The following POGZ variants were observed in gnomAD, a reference collection of about 807,000 sequenced individuals.
The protein encoded by POGZ is pogo transposable element derived with ZNF domain.
In POGZ, 17 loss-of-function variants were observed where a neutral mutation model predicts 134.6. The observed-to-expected ratio is 0.13, with a 90% CI of 0.09 to 0.19. The LOEUF is 0.19. Among genes scored for constraint, POGZ ranks in the 10% least tolerant of loss-of-function variants. The pLI is 1.00. For missense variants in POGZ, 1,306 were observed against 1,769.7 expected, an observed-to-expected ratio of 0.74 and a Z score of 4.70; for synonymous variants, 693 against 657.1, an observed-to-expected ratio of 1.05 and a Z score of -0.84.
intron 1 of POGZ, among the ~76,000 whole-genome samples, chr1:151,450,023 ATTTTTTTTTTTT>A (rs1171783071): frequency 6.7e-5 from 5 of 74,306 alleles, no homozygotes; most frequent in African/African-American, 2.6e-4. Flanking sequence ...GTGAAACTTG[ATTTTTTTTTTTT>A]TTTTTTTTTT....
At chr1:151,420,988 C>CATTCAT (rs1656800678) in intron 10 of POGZ, among the ~76,000 whole-genome samples, 1 of 144,926 alleles carries the variant, frequency 6.9e-6, no homozygotes, top group Non-Finnish European at 1.5e-5. Flanking sequence ...CGTGTTTTTT[C>CATTCAT]ATATATATAT....
intron 3 of POGZ, among the ~76,000 whole-genome samples, chr1:151,440,118 T>G (rs538504918): frequency 6.6e-6 from 1 of 151,764 alleles, no homozygotes. Context: ...AATAAATATA[T>G]GTACAGAATA....
chr1:151,428,719 T>C (rs1192979435), intron 5 of POGZ, among the ~76,000 whole-genome samples: 3 of 151,680 alleles, frequency 2.0e-5, no homozygotes, highest in African/African-American at 7.3e-5. Flanking sequence ...AAGAAAAGAG[T>C]GGGAAGCAAT....
rs376546116 is a variant in POGZ, at chr1:151,408,631, G to C, written c.2062-50C>G. The C allele has an allele frequency of 8.1e-6, 13 of 1,603,780 alleles. No homozygotes were observed. In the Middle Eastern group the frequency reaches 5.0e-4, roughly 61 times the overall value. ...GAGACATCACCCACACTAAATTTCA[G>C]AATACTGAAAATCTCTATTCCTCCC... On this transcript the variant is annotated intron_variant, in intron 13 of 18. Coordinates refer to ENST00000271715, the MANE Select transcript of POGZ (RefSeq NM_015100.4).
chr1:151,412,165 T>C, intron 11 of POGZ, 131 bp downstream of exon 11: 1 of 570,400 alleles, frequency 1.8e-6, no homozygotes, highest in Non-Finnish European at 3.1e-6. Context: ...GTGTTTACTA[T>C]TTCTTCTGTA....
Position 151,424,149 on chromosome 1 carries a change from A to T in POGZ, c.1323T>A (p.Ile441=), listed in dbSNP as rs1261833269. ...PVASTPSSTP[I]PALSPPTKVP... is the part of the protein sequence containing the mutation. ...CTTTGGTAGGCGGTGACAGAGCAGGAATAGGTGTAGAAGAGGGTGTGGAAG... is the reference window on the plus strand; with the variant it reads ...CTTTGGTAGGCGGTGACAGAGCAGGTATAGGTGTAGAAGAGGGTGTGGAAG... The change falls in exon 9 of 19, where the codon ATT becomes ATA. Residue 441 remains isoleucine, a synonymous_variant. Transcript: ENST00000271715. 6.2e-7 allele frequency: 1 copy of T among 1,614,010 alleles called. No individual in the cohort carries two copies. The highest frequency in any genetic ancestry group is 1.3e-5 in the African/African-American group (1 of 74,902).
chr1:151,407,733 G>A (rs572783871), intron 15 of POGZ, among the ~76,000 whole-genome samples: 65 of 152,306 alleles, frequency 4.3e-4, no homozygotes, highest in Non-Finnish European at 4.3e-4. Context: ...CTGGGGCCGG[G>A]CGCAGTGGCT....
chr1:151,431,328 C>T (rs1232739755), intron 3 of POGZ, among the ~76,000 whole-genome samples: 1 of 152,138 alleles, frequency 6.6e-6, no homozygotes, highest in African/African-American at 2.4e-5. Context: ...ATAATCTCCC[C>T]CACCAAATCA....
Position 151,440,919 on chromosome 1 carries a change from C to T in POGZ, c.283+9G>A. 1 of 1,611,064 alleles carries T rather than the reference C, an allele frequency of 6.2e-7. No homozygotes were observed. The highest frequency in any genetic ancestry group is 8.5e-7 in the Non-Finnish European group (1 of 1,177,552). On this transcript the variant is annotated intron_variant, in intron 3 of 18. Coordinates refer to ENST00000271715, the MANE Select transcript of POGZ (RefSeq NM_015100.4). ...CCCAGGATTATTATTTCCCAATAAT[C>T]CCACTTACCATTGTTGTTGGCAATT...
chr1:151,430,869 A>AAG, intron 3 of POGZ, 28 bp from the exon 4 acceptor site: 1 of 1,463,202 alleles, frequency 6.8e-7, no homozygotes. Context: ...AAAAAAAAAA[A>AAG]GGAATGTTAG....
intron 10 of POGZ, among the ~76,000 whole-genome samples, chr1:151,413,354 A>T (rs1430194651): frequency 6.6e-6 from 1 of 151,964 alleles, no homozygotes; most frequent in African/African-American, 2.4e-5. Flanking sequence ...TCCTGGCCTC[A>T]AGCAATCCTT....
Position 151,440,956 on chromosome 1 carries a change from A to T in POGZ, c.255T>A (p.Thr85=). The T allele has an allele frequency of 6.2e-7, 1 of 1,613,636 alleles. No homozygotes were observed. The highest frequency in any genetic ancestry group is 8.5e-7 in the Non-Finnish European group (1 of 1,179,628). ...TGTTGTTGGCAATTAGTGTGACAAG[A>T]GTCTTCTTTGTACTGTCGCTGTTCT... ...GAQNSDSTKK[T]LVTLIANNNA... is the part of the protein sequence containing the mutation. Residue 85 remains threonine (T), a synonymous_variant, in exon 3 of 19, where the codon ACT becomes ACA. Transcript: ENST00000271715.
In POGZ at chr1:151,403,424, T is replaced by C. The variant is rs1249044686; in HGVS notation, c.*1378A>G. On this transcript the variant is annotated 3_prime_UTR_variant, in exon 19 of 19. Transcript: ENST00000271715. ...TTTAAAGACGAACCATTTACAAGCTTGTGCAGTTTGCCTCCTTGGCTCACA... is the reference window on the plus strand; with the variant it reads ...TTTAAAGACGAACCATTTACAAGCTCGTGCAGTTTGCCTCCTTGGCTCACA... The C allele has an allele frequency of 1.0e-6, 1 of 985,448 alleles. No individual in the cohort carries two copies. The highest frequency in any genetic ancestry group is 1.7e-5 in the African/African-American group (1 of 57,242). The allele number at this position is 985,448 out of a possible 1,614,324, so 61.0% of individuals were successfully genotyped here.
chr1:151,417,735 G>A (rs958794897), intron 10 of POGZ, among the ~76,000 whole-genome samples: 1 of 140,280 alleles, frequency 7.1e-6, no homozygotes, highest in African/African-American at 2.7e-5. Flanking sequence ...CACACAAAAG[G>A]CCTTATTTTT....
chr1:151,451,052 T>TAA (rs1396746605), intron 1 of POGZ: 1 of 142,352 alleles, frequency 7.0e-6, no homozygotes, highest in Non-Finnish European at 1.5e-5. Flanking sequence ...CCGTCTCTAC[T>TAA]AAAAAAAAAA....
At chr1:151,425,306 T>C in intron 7 of POGZ, 1 of 358,084 alleles carries the variant, frequency 2.8e-6, no homozygotes, top group Non-Finnish European at 5.4e-6. Context: ...GGGCTCAAGA[T>C]CACTATGTTT....
intron 1 of POGZ, 140 bp downstream of exon 1, chr1:151,459,011 CG>C (rs1466486392): frequency 7.2e-6 from 1 of 139,372 alleles, no homozygotes; most frequent in Non-Finnish European, 1.6e-5. Flanking sequence ...CGCGCACCGC[CG>C]GCCCCCCGCC....
chr1:151,405,302 C>A lies in POGZ; in HGVS notation c.3733G>T (p.Ala1245Ser). The A allele has an allele frequency of 1.9e-6, 3 of 1,614,204 alleles. No individual in the cohort carries two copies. Among genetic ancestry groups the A allele is most frequent in the Non-Finnish European group, 1.7e-6 (2 of 1,180,020 alleles). ...LSEEVLAMLSASSTLPAVVPA... is the reference protein window; with the variant it reads ...LSEEVLAMLSSSSTLPAVVPA... ...ACCACTGCAGGCAAAGTGCTAGAGGCACTAAGCATAGCCAGTACCTCTTCT... is the reference window on the plus strand; with the variant it reads ...ACCACTGCAGGCAAAGTGCTAGAGGAACTAAGCATAGCCAGTACCTCTTCT... Residue 1245 changes from alanine to serine, a missense_variant, in exon 19 of 19, where the codon GCC becomes TCC. Ala to Ser is a moderately conservative substitution (Grantham distance 99, BLOSUM62 1). Transcript: ENST00000271715. This position sits in a 1 kb window ranked among gnomAD's most constrained non-coding sequence, Gnocchi z 4.9.
intron 1 of POGZ, among the ~76,000 whole-genome samples, chr1:151,443,660 C>T (rs1660875606): frequency 6.6e-6 from 1 of 151,950 alleles, no homozygotes; most frequent in African/African-American, 2.4e-5. Context: ...TTGCAATGAG[C>T]CACAATTCAC....
Sources: gnomAD v4.1 joint callset for allele counts (sites outside exome capture counted in the v4.1 genomes callset) on GRCh38, gnomAD v4.1.1 for gene constraint, Gnocchi (gnomAD v3.1) non-coding constraint, MANE v1.5 for transcripts, NCBI Gene and HGNC (gene_info 2026-07-23, HGNC 2026-07-21) for gene names.